The following APBA2 variants were observed in gnomAD, a reference collection of about 807,000 sequenced individuals.
APBA2 encodes the protein amyloid beta precursor protein binding family A member 2.
APBA2 carries 30 observed loss-of-function variants against 75.0 expected under a neutral mutation model. The ratio of observed to expected loss-of-function variants is 0.40; its 90% CI spans 0.30 to 0.54. The LOEUF is 0.54. APBA2 is among the 20% of genes least tolerant of loss of function. The pLI is 0.49. For missense variants in APBA2, 801 were observed against 1,016.1 expected, an observed-to-expected ratio of 0.79 and a Z score of 2.88; for synonymous variants, 444 against 409.6, an observed-to-expected ratio of 1.08 and a Z score of -1.01.
At chr15:29,101,217 CT>C (rs11333657) in intron 9 of APBA2, among the ~76,000 whole-genome samples, 122,016 of 142,572 alleles carry the variant, frequency 0.86, 53,971 homozygotes, top group Non-Finnish European at 0.97. Context: ...ATTGGAGTGC[CT>C]TTTTTTTTTT....
intron 2 of APBA2, chr15:28,976,968 C>G (rs2037370792): frequency 6.6e-6 from 1 of 152,184 alleles, no homozygotes; most frequent in South Asian, 2.1e-4. Context: ...GGCCAGATTT[C>G]AAGTGACTAA....
At chr15:29,075,069 T>C (rs994191088) in intron 5 of APBA2, 68 bp downstream of exon 5, 13 of 1,148,256 alleles carry the variant, frequency 1.1e-5, no homozygotes, top group East Asian at 7.4e-5. Flanking sequence ...GCCCACCGAG[T>C]TGTGGTCTGC....
chr15:29,108,087 G>A (rs1595992171), intron 12 of APBA2, among the ~76,000 whole-genome samples, 183 bp from the exon 13 acceptor site: 1 of 152,300 alleles, frequency 6.6e-6, no homozygotes, highest in East Asian at 1.9e-4. Flanking sequence ...GCTCTGGTAA[G>A]GGCCAGGGCG....
At chr15:29,019,034 T>C (rs2039817150) in intron 3 of APBA2, among the ~76,000 whole-genome samples, 1 of 152,212 alleles carries the variant, frequency 6.6e-6, no homozygotes, top group Non-Finnish European at 1.5e-5. Flanking sequence ...TGGTATAACC[T>C]TCTCCCACGC....
intron 3 of APBA2, among the ~76,000 whole-genome samples, chr15:29,020,754 G>A (rs1412666070): frequency 1.3e-5 from 2 of 152,136 alleles, no homozygotes; most frequent in African/African-American, 4.8e-5. Context: ...AGGTTGCAAT[G>A]AGCTGAGATC....
At chr15:29,025,808 A>T (rs2040192024) in intron 3 of APBA2, among the ~76,000 whole-genome samples, 1 of 151,890 alleles carries the variant, frequency 6.6e-6, no homozygotes, top group African/African-American at 2.4e-5. Flanking sequence ...AAAATTAGCC[A>T]GGCGTGGTGG....
At chr15:29,106,550 T>C in intron 11 of APBA2, 57 bp from the exon 12 acceptor site, 32 of 1,593,702 alleles carry the variant, frequency 2.0e-5, no homozygotes, top group Non-Finnish European at 2.7e-5. Context: ...TGTGGGTCCT[T>C]GGCAGAGGCC....
intron 3 of APBA2, among the ~76,000 whole-genome samples, chr15:29,044,068 G>A (rs1231166260): frequency 6.6e-6 from 1 of 152,126 alleles, no homozygotes; most frequent in Non-Finnish European, 1.5e-5. Context: ...ACCAAATGGG[G>A]GACAAGATTG....
At chr15:29,113,751 A>G in intron 13 of APBA2, 125 bp from the exon 14 acceptor site, 1 of 1,237,030 alleles carries the variant, frequency 8.1e-7, no homozygotes, top group Non-Finnish European at 1.1e-6. Context: ...TGAGTCAGCG[A>G]ATTGCACGTG....
At chr15:29,078,666 C>T (rs897456907) in intron 6 of APBA2, among the ~76,000 whole-genome samples, 12 of 151,942 alleles carry the variant, frequency 7.9e-5, no homozygotes, top group African/African-American at 2.7e-4. Flanking sequence ...GGCAAGAGGC[C>T]GCCGGTTCGA....
chr15:29,006,946 T>C (rs1478314542), intron 3 of APBA2, among the ~76,000 whole-genome samples: 1 of 152,190 alleles, frequency 6.6e-6, no homozygotes, highest in Non-Finnish European at 1.5e-5. Flanking sequence ...GGACCCTGAA[T>C]AGTAATAGCA....
At chr15:29,104,373 TC>T (rs1182920526) in intron 10 of APBA2, among the ~76,000 whole-genome samples, 1 of 152,290 alleles carries the variant, frequency 6.6e-6, no homozygotes, top group African/African-American at 2.4e-5. Flanking sequence ...CCCGCCGCGC[TC>T]CCAGGGCTGC....
At chr15:29,056,614 T>TTCCTTCCTTCCC (rs2041906986) in intron 4 of APBA2, among the ~76,000 whole-genome samples, 2 of 11,420 alleles carry the variant, frequency 1.8e-4, no homozygotes, top group African/African-American at 4.3e-4. Flanking sequence ...CCCTCCCTCC[T>TTCCTTCCTTCCC]TCTCTCCCTC....
At chr15:29,024,024 C>G (rs1488541908) in intron 3 of APBA2, among the ~76,000 whole-genome samples, 1 of 151,848 alleles carries the variant, frequency 6.6e-6, no homozygotes. Context: ...CTGCCTCAGC[C>G]TCCTGAGTAG....
intron 3 of APBA2, among the ~76,000 whole-genome samples, 199 bp downstream of exon 3, chr15:28,996,005 A>G (rs999591767): frequency 6.6e-6 from 1 of 152,106 alleles, no homozygotes; most frequent in Non-Finnish European, 1.5e-5. Context: ...GAGTGGATGG[A>G]CACTGGGGAC....
chr15:28,896,578 C>A (rs893429028), intron 1 of APBA2, among the ~76,000 whole-genome samples: 33 of 152,310 alleles, frequency 2.2e-4, no homozygotes, highest in African/African-American at 7.9e-4. Context: ...CGCGCCTGGC[C>A]TCTTTCTTTA....
Position 29,117,064 on chromosome 15 carries a change from C to T in APBA2, c.2181C>T (p.Ile727=). ...CAGCCTCCTGTTTCTGTCCGCAGAT[C>T]CACATGAAGACCATGCCCGCCGCCA... The part of the protein sequence containing the change: ...VQALSNSVGE[I]HMKTMPAAMF... The change falls in exon 15 of 15, where the codon ATC becomes ATT. Residue 727 remains isoleucine (I), a splice_region_variant and synonymous_variant. Coordinates refer to ENST00000683413, the MANE Select transcript of APBA2 (RefSeq NM_001353788.2). 1 of 1,613,152 alleles carries T rather than the reference C, an allele frequency of 6.2e-7. No individual in the cohort carries two copies. The highest frequency in any genetic ancestry group is 8.5e-7 in the Non-Finnish European group (1 of 1,179,878).
intron 2 of APBA2, among the ~76,000 whole-genome samples, chr15:28,980,427 C>T (rs1380435359): frequency 6.6e-6 from 1 of 152,156 alleles, no homozygotes; most frequent in African/African-American, 2.4e-5. Flanking sequence ...TAGCATTTCT[C>T]TACACCAATA....
At chr15:28,946,897 C>T (rs2152714799) in intron 2 of APBA2, among the ~76,000 whole-genome samples, 1 of 152,300 alleles carries the variant, frequency 6.6e-6, no homozygotes, top group South Asian at 2.1e-4. Flanking sequence ...GATTTCTGAA[C>T]TATAGAACTG....
Sources: gnomAD v4.1 joint callset for allele counts (sites outside exome capture counted in the v4.1 genomes callset) on GRCh38, gnomAD v4.1.1 for gene constraint, MANE v1.5 for transcripts, NCBI Gene and HGNC (gene_info 2026-07-23, HGNC 2026-07-21) for gene names.